The following TXNDC9 variants were observed in gnomAD, a reference collection of about 807,000 sequenced individuals.
TXNDC9 encodes thioredoxin domain-containing protein 9.
In TXNDC9, 7 loss-of-function variants were observed where a neutral mutation model predicts 23.0. The observed-to-expected ratio is 0.30, with a 90% CI of 0.17 to 0.57. The LOEUF (loss-of-function observed/expected upper bound fraction) is 0.57. Ranked by LOEUF, TXNDC9 falls within the 20% of genes least tolerant of loss-of-function variation. The pLI, the probability that TXNDC9 is intolerant of heterozygous loss-of-function variation, is 0.90. For missense variants in TXNDC9, 198 were observed against 252.6 expected, an observed-to-expected ratio of 0.78 and a Z score of 1.47; for synonymous variants, 72 against 90.6, an observed-to-expected ratio of 0.79 and a Z score of 1.17.
intron 2 of TXNDC9, among the ~76,000 whole-genome samples, chr2:99,328,866 G>A (rs2094218761): frequency 6.6e-6 from 1 of 152,066 alleles, no homozygotes; most frequent in African/African-American, 2.4e-5. Context: ...GTAGGCGCCT[G>A]TAATCCCAGC....
chr2:99,334,202 T>C (rs2094233068), intron 1 of TXNDC9, among the ~76,000 whole-genome samples: 2 of 151,998 alleles, frequency 1.3e-5, no homozygotes, highest in South Asian at 4.1e-4. Context: ...AATAGAAAAA[T>C]TGGCCAGGCC....
At chr2:99,318,348 A>G (rs2094194321), downstream of TXNDC9, among the ~76,000 whole-genome samples, 1 of 152,020 alleles carries the variant, frequency 6.6e-6, no homozygotes, top group African/African-American at 2.4e-5. Context: ...CCTTTATTAA[A>G]TATTTTTAGT....
downstream of TXNDC9, among the ~76,000 whole-genome samples, chr2:99,317,249 T>C (rs956939650): frequency 1.3e-5 from 2 of 152,220 alleles, no homozygotes; most frequent in African/African-American, 4.8e-5. Flanking sequence ...GCTCCTTGTA[T>C]GGATTAGTTT....
At chr2:99,331,315 C>A (rs1283693928) in intron 2 of TXNDC9, among the ~76,000 whole-genome samples, 1 of 151,978 alleles carries the variant, frequency 6.6e-6, no homozygotes, top group East Asian at 1.9e-4. Flanking sequence ...GTGGCTCACA[C>A]CTGTAATCCC....
At chr2:99,313,833 ATATCCTTCACATTTTTCT>A in the TXNDC9 span, among the ~76,000 whole-genome samples, 1 of 152,274 alleles carries the variant, frequency 6.6e-6, no homozygotes, top group African/African-American at 2.4e-5. Context: ...CTGTTTATTC[ATATCCTTCACATTTTTCT>A]TTCTTTTGAC....
At chr2:99,323,341 A>T (rs1241661832) in intron 3 of TXNDC9, among the ~76,000 whole-genome samples, 2 of 150,190 alleles carry the variant, frequency 1.3e-5, no homozygotes, top group African/African-American at 4.9e-5. Context: ...TGGGAGGTGG[A>T]GGCTGCAGTG....
At chr2:99,317,225 TTGA>T (rs1559232017), downstream of TXNDC9, among the ~76,000 whole-genome samples, 2 of 152,346 alleles carry the variant, frequency 1.3e-5, no homozygotes, top group East Asian at 3.9e-4. Context: ...TCAGTTTCCT[TTGA>T]TTGCTTTTTC....
intron 3 of TXNDC9, chr2:99,322,804 C>CA: frequency 1.8e-6 from 2 of 1,109,988 alleles, no homozygotes; most frequent in Non-Finnish European, 2.3e-6. Flanking sequence ...CCCTGTCCCC[C>CA]AGGCTGGAGT....
downstream of TXNDC9, among the ~76,000 whole-genome samples, chr2:99,317,532 C>A (rs904757738): frequency 6.6e-6 from 1 of 152,256 alleles, no homozygotes. Flanking sequence ...TTTGATAGGG[C>A]TCTCTTTTAC....
At chr2:99,320,273 G>A (rs990242751) in intron 4 of TXNDC9, among the ~76,000 whole-genome samples, 6 of 152,184 alleles carry the variant, frequency 3.9e-5, no homozygotes, top group Non-Finnish European at 8.8e-5. Context: ...ATCCCAAAGT[G>A]CTGGGATTAT....
chr2:99,327,298 C>T (rs532756941), intron 3 of TXNDC9, among the ~76,000 whole-genome samples: 2 of 152,280 alleles, frequency 1.3e-5, no homozygotes, highest in Admixed American at 1.3e-4. Context: ...TCTTGAACTC[C>T]TGACCTCAAG....
intron 3 of TXNDC9, chr2:99,322,815 G>T: frequency 1.0e-6 from 1 of 998,732 alleles, no homozygotes. Flanking sequence ...AGGCTGGAGT[G>T]CAGTGGCACA....
chr2:99,335,214 A>G (rs1239017331), intron 1 of TXNDC9, among the ~76,000 whole-genome samples: 1 of 152,236 alleles, frequency 6.6e-6, no homozygotes, highest in Non-Finnish European at 1.5e-5. Context: ...AAACTTCACA[A>G]CAAACTGTGA....
chr2:99,328,687 C>T (rs907252336), intron 2 of TXNDC9, among the ~76,000 whole-genome samples: 1 of 152,030 alleles, frequency 6.6e-6, no homozygotes, highest in African/African-American at 2.4e-5. Context: ...AAAAATAATG[C>T]TCATGAGGCT....
chr2:99,310,065 A>G, the TXNDC9 span, among the ~76,000 whole-genome samples: 1 of 152,220 alleles, frequency 6.6e-6, no homozygotes, highest in East Asian at 1.9e-4. Flanking sequence ...GGTTGTTGTG[A>G]TGATTACTCA....
chr2:99,327,319 C>T (rs1032096399), intron 3 of TXNDC9, among the ~76,000 whole-genome samples: 1 of 152,134 alleles, frequency 6.6e-6, no homozygotes, highest in Non-Finnish European at 1.5e-5. Context: ...TGATCCACCC[C>T]CCACTTGGCC....
At chr2:99,330,326 A>C in intron 2 of TXNDC9, among the ~76,000 whole-genome samples, 1 of 139,958 alleles carries the variant, frequency 7.1e-6, no homozygotes, top group Admixed American at 7.2e-5. Flanking sequence ...AAAAGCTGCT[A>C]TTTCTTTTCA....
intron 4 of TXNDC9, among the ~76,000 whole-genome samples, chr2:99,320,632 C>T (rs2094199410): frequency 6.6e-6 from 1 of 152,098 alleles, no homozygotes; most frequent in Non-Finnish European, 1.5e-5. Flanking sequence ...AATGAGAAAA[C>T]TTGAAATAAG....
At chr2:99,316,437 G>A (rs933717468), downstream of TXNDC9, among the ~76,000 whole-genome samples, 1 of 152,088 alleles carries the variant, frequency 6.6e-6, no homozygotes, top group Non-Finnish European at 1.5e-5. Context: ...CCAAAGCGCT[G>A]GGATTACAGG....
Sources: gnomAD v4.1 joint callset for allele counts (sites outside exome capture counted in the v4.1 genomes callset) on GRCh38, gnomAD v4.1.1 for gene constraint, MANE v1.5 for transcripts, NCBI Gene and HGNC (gene_info 2026-07-23, HGNC 2026-07-21) for gene names.